Variants in ATP1A2 observed in about 807,000 individuals in gnomAD.
ATP1A2 encodes the protein sodium/potassium-transporting ATPase subunit alpha-2.
A neutral mutation model predicts 113.1 loss-of-function variants in ATP1A2; 56 were observed. The observed-to-expected ratio is 0.49, with a 90% CI of 0.40 to 0.62. The LOEUF is 0.62. Among genes scored for constraint, ATP1A2 ranks in the 20% least tolerant of loss-of-function variants. The pLI is 0.00. For synonymous variants in ATP1A2, 490 were observed against 526.8 expected, an observed-to-expected ratio of 0.93 and a Z score of 0.96; for missense variants, 712 against 1,357.8, an observed-to-expected ratio of 0.52 and a Z score of 7.47.
intron 1 of ATP1A2, among the ~76,000 whole-genome samples, chr1:160,116,951 C>T (rs1369886006): frequency 6.6e-6 from 1 of 152,004 alleles, no homozygotes; most frequent in African/African-American, 2.4e-5. Flanking sequence ...ATCTGTGTGT[C>T]TGTGTCTGTG....
intron 20 of ATP1A2, among the ~76,000 whole-genome samples, chr1:160,138,929 C>T (rs1414506585): frequency 6.6e-6 from 1 of 152,156 alleles, no homozygotes; most frequent in Non-Finnish European, 1.5e-5. Flanking sequence ...CGTGTTATCT[C>T]CCTTAATTTT....
chr1:160,123,114 T>C, intron 3 of ATP1A2, 99 bp from the exon 4 acceptor site: 1 of 1,383,506 alleles, frequency 7.2e-7, no homozygotes, highest in Non-Finnish European at 1.0e-6. Context: ...ACTTTCCTTC[T>C]GGGCATTCTT....
At chr1:160,116,862 G>A (rs1651201868) in intron 1 of ATP1A2, among the ~76,000 whole-genome samples, 1 of 152,150 alleles carries the variant, frequency 6.6e-6, no homozygotes, top group Non-Finnish European at 1.5e-5. Context: ...TAGTTGAGCA[G>A]CTGGGAAATC....
chr1:160,130,034 G>C (rs1202932772), intron 11 of ATP1A2, 68 bp from the exon 12 acceptor site: 6 of 1,596,874 alleles, frequency 3.8e-6, no homozygotes, highest in Non-Finnish European at 4.3e-6. Context: ...TTCCTTACCA[G>C]CTGCTGCTCT....
intron 1 of ATP1A2, among the ~76,000 whole-genome samples, chr1:160,117,570 G>T (rs1176428475): frequency 1.3e-5 from 2 of 152,114 alleles, no homozygotes; most frequent in African/African-American, 2.4e-5. Flanking sequence ...GTGAGGTGGG[G>T]GTATTTAGGG....
At chr1:160,121,117 C>G in intron 2 of ATP1A2, 75 bp from the exon 3 acceptor site, 1 of 1,599,800 alleles carries the variant, frequency 6.3e-7, no homozygotes. Context: ...GCTCAACTCA[C>G]CCCTGTGCCC....
At chr1:160,125,551 G>T (rs942936964) in intron 7 of ATP1A2, 39 of 417,042 alleles carry the variant, frequency 9.4e-5, no homozygotes, top group Non-Finnish European at 1.7e-4. Context: ...TTACGCATGC[G>T]CACACACAGA....
Position 160,130,140 on chromosome 1 carries a change from C to A in ATP1A2, c.1500C>A (p.His500Gln), listed in dbSNP as rs140480795. ...AGCGAGAAGACAGCCCCCAGAGCCA[C>A]GTGCTGGTGATGAAGGGGGCCCCAG... ...IHEREDSPQS[H>Q]VLVMKGAPER... The change falls in exon 12 of 23, where the codon CAC becomes CAA. Residue 500 changes from histidine (H) to glutamine (Q), a missense_variant. His to Gln is a conservative substitution (Grantham distance 24, BLOSUM62 0). Transcript: ENST00000361216. 4.3e-6 allele frequency: 7 copies of A among 1,614,100 alleles called. No homozygotes were observed. The highest frequency in any genetic ancestry group is 5.9e-6 in the Non-Finnish European group (7 of 1,180,056).
chr1:160,130,739 G>A (rs1651746666), intron 13 of ATP1A2, 142 bp downstream of exon 13: 2 of 1,219,336 alleles, frequency 1.6e-6, no homozygotes, highest in Non-Finnish European at 2.3e-6. Context: ...CCATCTGCAA[G>A]GAAAGGCCCA....
Position 160,135,413 on chromosome 1 carries a change from G to T in ATP1A2, c.2116-21G>T, listed in dbSNP as rs926038871. On this transcript the variant is annotated intron_variant, in intron 15 of 22. Coordinates refer to ENST00000361216, the MANE Select transcript of ATP1A2 (RefSeq NM_000702.4). The surrounding 1 kb of genome is among the most constrained non-coding windows in gnomAD (Gnocchi z 6.3). ...GCTTGGGAAGGGGTTTCGTCCTCAA[G>T]TGTGGCCGTCTTCCCTCCAGGGAGC... The T allele has an allele frequency of 1.2e-6, 2 of 1,614,198 alleles. No individual in the cohort carries two copies. Among genetic ancestry groups the T allele is most frequent in the Non-Finnish European group, 1.7e-6 (2 of 1,180,024 alleles).
chr1:160,138,368 C>T (rs1297642175), intron 20 of ATP1A2, among the ~76,000 whole-genome samples: 1 of 152,164 alleles, frequency 6.6e-6, no homozygotes, highest in Admixed American at 6.5e-5. Flanking sequence ...TGTCTGGAAG[C>T]CATGGATAGT....
Position 160,129,509 on chromosome 1 carries a change from T to A in ATP1A2, c.1461+109T>A, listed in dbSNP as rs963981737. 1.1e-5 allele frequency: 17 copies of A among 1,525,782 alleles called. No individual in the cohort carries two copies. In the African/African-American group the frequency reaches 2.2e-4, roughly 20 times the overall value. 94.5% of individuals were successfully genotyped at this position (1,525,782 alleles called of 1,614,324 possible). A position where few individuals can be genotyped will look rare whatever the true frequency, so the allele number is the denominator to read the frequency against. The stretch of plus-strand genomic sequence containing the variant: ...CAGGAGTGGGGGTGTCTGAGGGTCA[T>A]GTTCCCTCCCCCTGCTAAGTCCCCC... On this transcript the variant is annotated intron_variant, in intron 11 of 22. Coordinates refer to ENST00000361216, the MANE Select transcript of ATP1A2 (RefSeq NM_000702.4).
rs577067860 is a variant in ATP1A2 at position 160,142,881 on chromosome 1, G to A, written c.*1559G>A. On this transcript the variant is annotated 3_prime_UTR_variant, in exon 23 of 23. Coordinates refer to ENST00000361216, the MANE Select transcript of ATP1A2 (RefSeq NM_000702.4). ...CCTCCAGGCAAATGCCCTTCAAACCGACGATCATTGTGCCCACTTACCCTG... is the reference window on the plus strand; with the variant it reads ...CCTCCAGGCAAATGCCCTTCAAACCAACGATCATTGTGCCCACTTACCCTG... The A allele has an allele frequency of 4.6e-5, 7 of 152,202 alleles. No individual in the cohort carries two copies. The highest frequency in any genetic ancestry group is 1.2e-4 in the African/African-American group (5 of 41,536). 9.4% of individuals were successfully genotyped at this position (152,202 alleles called of 1,614,324 possible).
intron 8 of ATP1A2, chr1:160,128,360 C>T (rs1324101939): frequency 1.4e-6 from 1 of 708,874 alleles, no homozygotes; most frequent in Admixed American, 2.1e-5. Flanking sequence ...TCCCAGTTTG[C>T]AGTGTCCCTT....
At chr1:160,129,524 C>A (rs1651701242) in intron 11 of ATP1A2, 124 bp downstream of exon 11, 25 of 1,450,124 alleles carry the variant, frequency 1.7e-5, no homozygotes, top group Non-Finnish European at 2.4e-5. Context: ...CCTCCCCCTG[C>A]TAAGTCCCCC....
chr1:160,137,140 A>G, intron 20 of ATP1A2, 109 bp downstream of exon 20: 1 of 1,561,166 alleles, frequency 6.4e-7, no homozygotes, highest in South Asian at 1.1e-5. Flanking sequence ...TAAGGAGGGC[A>G]TCAGATTTTA....
At chr1:160,126,087 C>T (rs1360220988) in intron 7 of ATP1A2, among the ~76,000 whole-genome samples, 1 of 152,170 alleles carries the variant, frequency 6.6e-6, no homozygotes, top group Non-Finnish European at 1.5e-5. Context: ...TTATGTTTCT[C>T]TGTGGTTTTT....
rs149286529 is a variant in ATP1A2 at position 160,139,923 on chromosome 1, C to T, written c.2973C>T (p.Tyr991=). 60 of 1,614,170 alleles carry T rather than the reference C, an allele frequency of 3.7e-5. No individual in the cohort carries two copies. In the African/African-American group the frequency reaches 5.9e-4, roughly 16 times the overall value. The part of the protein sequence containing the change: ...KVTWWFCAFP[Y]SLLIFIYDEV... ...CCTGGTGGTTCTGCGCCTTCCCCTA[C>T]AGCCTCCTCATCTTCATCTATGATG... is the stretch of plus-strand genomic sequence containing the variant. The change falls in exon 22 of 23, where the codon TAC becomes TAT. Residue 991 remains tyrosine (Y), a synonymous_variant. Coordinates refer to ENST00000361216, the MANE Select transcript of ATP1A2 (RefSeq NM_000702.4).
intron 20 of ATP1A2, among the ~76,000 whole-genome samples, chr1:160,138,377 G>A (rs953360750): frequency 6.6e-6 from 1 of 152,244 alleles, no homozygotes; most frequent in African/African-American, 2.4e-5. Context: ...GCCATGGATA[G>A]TTCTAATTAA....
Sources: gnomAD v4.1 joint callset for allele counts (sites outside exome capture counted in the v4.1 genomes callset) on GRCh38, gnomAD v4.1.1 for gene constraint, Gnocchi (gnomAD v3.1) non-coding constraint, MANE v1.5 for transcripts, NCBI Gene and HGNC (gene_info 2026-07-23, HGNC 2026-07-21) for gene names.